Variants in CEP128 observed in about 807,000 individuals in gnomAD.
The protein encoded by CEP128 is centrosomal protein 128, also known as centrosomal protein 128kDa.
Under a neutral mutation model 156.7 loss-of-function variants are expected in CEP128, and 132 were observed. That is an observed-to-expected ratio of 0.84 (90% confidence interval 0.73 to 0.97). The LOEUF is 0.97. CEP128 is among the 50% of genes least tolerant of loss of function. The pLI, the probability that CEP128 is intolerant of heterozygous loss-of-function variation, is 0.00. For missense variants in CEP128, 1,252 were observed against 1,281.9 expected (o/e 0.98, Z 0.36); for synonymous variants, 469 against 448.9 (o/e 1.04, Z -0.57).
chr14:80,504,401 A>G (rs1887873293), intron 24 of CEP128, among the ~76,000 whole-genome samples: 1 of 152,162 alleles, frequency 6.6e-6, no homozygotes, highest in Admixed American at 6.5e-5. Context: ...AGGAAGGGAG[A>G]CGGCAGGGAT....
At chr14:80,953,222 C>T (rs950156545) in intron 2 of CEP128, among the ~76,000 whole-genome samples, 1 of 152,236 alleles carries the variant, frequency 6.6e-6, no homozygotes, top group Non-Finnish European at 1.5e-5. Flanking sequence ...AGACTACTAT[C>T]CCTTGTGAAC....
At chr14:80,552,321 A>C (rs569677607) in intron 21 of CEP128, among the ~76,000 whole-genome samples, 42 of 149,420 alleles carry the variant, frequency 2.8e-4, no homozygotes, top group African/African-American at 8.4e-4. Context: ...AAAAAAAAAA[A>C]CACAAATAAA....
chr14:80,589,009 T>C (rs775541857), intron 19 of CEP128, among the ~76,000 whole-genome samples: 7 of 152,114 alleles, frequency 4.6e-5, no homozygotes, highest in Non-Finnish European at 7.4e-5. Context: ...GTTAATCAGA[T>C]ATCTTTAATA....
chr14:80,743,391 A>G, intron 18 of CEP128, 124 bp from the exon 19 acceptor site: 1 of 705,100 alleles, frequency 1.4e-6, no homozygotes. Flanking sequence ...ATTTTTGCAA[A>G]ATTTTAAAAT....
chr14:80,518,965 G>A (rs1888615686), intron 23 of CEP128, among the ~76,000 whole-genome samples: 1 of 152,146 alleles, frequency 6.6e-6, no homozygotes, highest in Admixed American at 6.5e-5. Context: ...TAATTAATTT[G>A]TGGAACTTCT....
intron 19 of CEP128, among the ~76,000 whole-genome samples, chr14:80,638,629 G>T (rs150241427): frequency 8.5e-4 from 129 of 152,028 alleles, no homozygotes; most frequent in African/African-American, 2.8e-3. Context: ...TTTTATATAC[G>T]ATGTCTTTTA....
intron 18 of CEP128, among the ~76,000 whole-genome samples, chr14:80,752,480 A>G (rs753335443): frequency 6.6e-6 from 1 of 152,198 alleles, no homozygotes; most frequent in Non-Finnish European, 1.5e-5. Context: ...ATTCCACGTA[A>G]ATAATCTAAA....
At chr14:80,602,818 C>A (rs900084579) in intron 19 of CEP128, among the ~76,000 whole-genome samples, 1 of 151,948 alleles carries the variant, frequency 6.6e-6, no homozygotes, top group Middle Eastern at 3.4e-3. Flanking sequence ...TGAAATTATA[C>A]AAAGTATGTC....
intron 20 of CEP128, among the ~76,000 whole-genome samples, chr14:80,576,810 T>A (rs1289220502): frequency 6.6e-6 from 1 of 152,076 alleles, no homozygotes; most frequent in Non-Finnish European, 1.5e-5. Flanking sequence ...GCTATATAAA[T>A]AAGAGACCAG....
At chr14:80,802,813 T>C (rs1042404627) in intron 13 of CEP128, among the ~76,000 whole-genome samples, 1 of 152,202 alleles carries the variant, frequency 6.6e-6, no homozygotes, top group African/African-American at 2.4e-5. Context: ...CAAAAGACTT[T>C]ATGCTAACAC....
chr14:80,652,120 T>C lies in CEP128; in HGVS notation c.2807-71697A>G, dbSNP rs565985730. 9.3e-4 allele frequency among the ~76,000 whole-genome samples: 141 copies of C among 151,840 alleles called. 1 individual carries two copies. Among genetic ancestry groups the C allele is most frequent in the African/African-American group, 3.2e-3 (134 of 41,402 alleles). Reference sequence around the variant, plus strand: ...GGATTCCCTGTTTAATAAATGGTGGTGGGAGAATTGGCTAGCCATACGCAG... The same window carrying C: ...GGATTCCCTGTTTAATAAATGGTGGCGGGAGAATTGGCTAGCCATACGCAG... On this transcript the variant is annotated intron_variant, in intron 19 of 24. Transcript: ENST00000555265.
intron 8 of CEP128, among the ~76,000 whole-genome samples, chr14:80,868,095 C>G (rs1037675054): frequency 6.6e-6 from 1 of 151,854 alleles, no homozygotes; most frequent in African/African-American, 2.4e-5. Context: ...TGCTGCCAAC[C>G]AAGAATATCA....
chr14:80,639,593 G>T (rs1253946221), intron 19 of CEP128, among the ~76,000 whole-genome samples: 1 of 151,978 alleles, frequency 6.6e-6, no homozygotes, highest in Non-Finnish European at 1.5e-5. Context: ...TGAAATCTGT[G>T]GACCACCCAA....
At chr14:80,701,006 A>C (rs1897056785) in intron 19 of CEP128, among the ~76,000 whole-genome samples, 2 of 152,088 alleles carry the variant, frequency 1.3e-5, no homozygotes. Flanking sequence ...TGGCATGTGA[A>C]TTGATTTTCC....
intron 21 of CEP128, among the ~76,000 whole-genome samples, chr14:80,555,643 T>G (rs892804753): frequency 1.3e-5 from 2 of 152,146 alleles, no homozygotes; most frequent in Non-Finnish European, 2.9e-5. Context: ...CAAACCCTTT[T>G]GTTCATTACT....
intron 24 of CEP128, among the ~76,000 whole-genome samples, chr14:80,499,282 T>C (rs1887630812): frequency 6.6e-6 from 1 of 152,214 alleles, no homozygotes; most frequent in African/African-American, 2.4e-5. Context: ...TAGTGTGCTA[T>C]TCTTGCTGTG....
intron 19 of CEP128, among the ~76,000 whole-genome samples, chr14:80,695,765 T>A (rs921502846): frequency 2.0e-5 from 3 of 151,836 alleles, no homozygotes; most frequent in African/African-American, 7.3e-5. Context: ...ATCAAGTAGT[T>A]TGGTATTGCT....
At chr14:80,565,837 A>G (rs1890887608) in intron 20 of CEP128, among the ~76,000 whole-genome samples, 2 of 152,218 alleles carry the variant, frequency 1.3e-5, no homozygotes, top group South Asian at 4.1e-4. Context: ...ATAGGTCTAA[A>G]TAATAATAAT....
intron 13 of CEP128, among the ~76,000 whole-genome samples, chr14:80,824,435 T>C (rs1314436383): frequency 6.6e-6 from 1 of 152,226 alleles, no homozygotes; most frequent in Admixed American, 6.5e-5. Flanking sequence ...TTCTCCATAC[T>C]TTTATGCTCT....
Sources: allele counts gnomAD v4.1 joint callset (sites outside exome capture counted in the v4.1 genomes callset), GRCh38; gene constraint gnomAD v4.1.1; transcripts MANE v1.5; gene names NCBI Gene and HGNC (gene_info 2026-07-23, HGNC 2026-07-21).